The following COLQ variants were observed in gnomAD, a reference collection of about 807,000 sequenced individuals.
COLQ encodes collagen like tail subunit of asymmetric acetylcholinesterase.
Under a neutral mutation model 69.0 loss-of-function variants are expected in COLQ, and 48 were observed. The ratio of observed to expected loss-of-function variants is 0.70; its 90% CI spans 0.55 to 0.88. COLQ has a LOEUF of 0.88. Among genes scored for constraint, COLQ ranks in the 40% least tolerant of loss-of-function variants. The probability of loss-of-function intolerance (pLI) is 0.00; values close to 1 mark genes in which losing one functional copy is unlikely to be tolerated. For synonymous variants in COLQ, 217 were observed against 211.2 expected, an observed-to-expected ratio of 1.03 and a Z score of -0.24; for missense variants, 618 against 594.6, an observed-to-expected ratio of 1.04 and a Z score of -0.41.
chr3:15,521,528 A>T lies in COLQ; in HGVS notation c.98T>A (p.Ile33Asn). ...QPTFINSVLP[I>N]SAALPSLDQK... The stretch of plus-strand genomic sequence containing the variant: ...TTGTGGCCATCATTTACCTGCTGAG[A>T]TTGGAAGAACGCTGTTGATGAAAGT... The change falls in exon 1 of 17, where the codon ATC (isoleucine) becomes AAC (asparagine). Residue 33 changes from isoleucine (I) to asparagine (N), a missense_variant. Transcript: ENST00000383788. The T allele has an allele frequency of 6.2e-7, 1 of 1,614,158 alleles. No homozygotes were observed. The highest frequency in any genetic ancestry group is 8.5e-7 in the Non-Finnish European group (1 of 1,180,034).
At chr3:15,520,888 A>C (rs1414535253) in intron 1 of COLQ, among the ~76,000 whole-genome samples, 4 of 152,238 alleles carry the variant, frequency 2.6e-5, no homozygotes, top group African/African-American at 9.6e-5. Flanking sequence ...CTCCCTGGAA[A>C]GCTCACTTCT....
chr3:15,466,552 G>A (rs1270343434), intron 11 of COLQ, 115 bp from the exon 12 acceptor site: 1 of 825,078 alleles, frequency 1.2e-6, no homozygotes, highest in African/African-American at 1.7e-5. Context: ...CCCAGTGGGG[G>A]ATGCAGCTCC....
chr3:15,502,924 C>T (rs1190589403), intron 1 of COLQ, among the ~76,000 whole-genome samples: 1 of 152,188 alleles, frequency 6.6e-6, no homozygotes, highest in African/African-American at 2.4e-5. Flanking sequence ...TTGCATTTAA[C>T]CCTCACAACT....
intron 10 of COLQ, among the ~76,000 whole-genome samples, chr3:15,472,748 T>C (rs1373623820): frequency 6.6e-6 from 1 of 152,230 alleles, no homozygotes; most frequent in East Asian, 1.9e-4. Context: ...CATATGTTGG[T>C]CAACAGTCAC....
Position 15,488,345 on chromosome 3 carries a change from T to C in COLQ, c.220-38A>G, listed in dbSNP as rs761809594. The C allele has an allele frequency of 7.6e-6, 12 of 1,569,704 alleles. No individual in the cohort carries two copies. The South Asian group carries it at 1.1e-4, about 15-fold the overall frequency. On this transcript the variant is annotated intron_variant, in intron 2 of 16. Transcript: ENST00000383788. ...GCAACACAGAGTTAGAGGTCAGGCG[T>C]AGGGGACAGAGGAAGGGTCACCATC...
Position 15,473,394 on chromosome 3 carries a change from G to T in COLQ, c.636+606C>A, listed in dbSNP as rs772401344. 1.3e-5 allele frequency among the ~76,000 whole-genome samples: 2 copies of T among 152,184 alleles called. No homozygotes were observed. Among genetic ancestry groups the T allele is most frequent in the African/African-American group, 2.4e-5 (1 of 41,440 alleles). On this transcript the variant is annotated intron_variant, in intron 10 of 16. Transcript: ENST00000383788. This position sits in a 1 kb window ranked among gnomAD's most constrained non-coding sequence, Gnocchi z 4.0. The stretch of plus-strand genomic sequence containing the variant: ...GCTAGTCTCGAACTCCTGGGTTCAA[G>T]CCATCTGCCCACCTCGGCCTCCCAA...
intron 10 of COLQ, among the ~76,000 whole-genome samples, chr3:15,471,295 A>G (rs1244343979): frequency 2.0e-5 from 3 of 152,238 alleles, no homozygotes; most frequent in Non-Finnish European, 4.4e-5. Context: ...AATGGAAACA[A>G]TATTCCTGTT....
rs2125085496 is a variant in COLQ, at chr3:15,455,959, G to A, written c.1135C>T (p.Leu379Phe). The change falls in exon 15 of 17, where the codon CTC becomes TTC. Residue 379 changes from leucine to phenylalanine, a missense_variant. By Grantham distance (22) the Leu-to-Phe change is conservative. Coordinates refer to ENST00000383788, the MANE Select transcript of COLQ (RefSeq NM_005677.4). ...TCACACTCCTCCCCAGGCTGCAGGA[G>A]CCCATCCCCACAGGTGCCGTGCTGG... ...ADQHGTCGDG[L>F]LQPGEECDDG... is the part of the protein sequence containing the mutation. 2.5e-6 allele frequency: 4 copies of A among 1,614,108 alleles called. No individual in the cohort carries two copies. Among genetic ancestry groups the A allele is most frequent in the African/African-American group, 1.3e-5 (1 of 75,042 alleles).
chr3:15,484,388 C>T (rs2062540357), intron 3 of COLQ, among the ~76,000 whole-genome samples: 1 of 152,082 alleles, frequency 6.6e-6, no homozygotes, highest in East Asian at 1.9e-4. Flanking sequence ...CCTTCAGGAA[C>T]TCTTGAAAGG....
intron 15 of COLQ, among the ~76,000 whole-genome samples, chr3:15,454,770 C>T (rs540117864): frequency 1.3e-5 from 2 of 151,858 alleles, no homozygotes; most frequent in South Asian, 2.1e-4. Flanking sequence ...ATCCTCCCAC[C>T]TCACCCTCCT....
At chr3:15,475,382 C>A (rs777087350) in intron 7 of COLQ, 43 bp downstream of exon 7, 1 of 1,544,914 alleles carries the variant, frequency 6.5e-7, no homozygotes, top group Non-Finnish European at 8.8e-7. Flanking sequence ...TGCTCCAGAG[C>A]CTGACAGAGA....
chr3:15,471,797 C>T (rs768614518), intron 10 of COLQ, among the ~76,000 whole-genome samples: 1 of 152,186 alleles, frequency 6.6e-6, no homozygotes, highest in Non-Finnish European at 1.5e-5. Flanking sequence ...GTCCTTAAAT[C>T]TGTTATTTCT....
At chr3:15,474,398 T>C (rs1015373842) in intron 8 of COLQ, 126 bp from the exon 9 acceptor site, 286 of 986,460 alleles carry the variant, frequency 2.9e-4, no homozygotes, top group Non-Finnish European at 4.1e-4. Flanking sequence ...GGCTCAGATA[T>C]GTCAGGTGAC....
At chr3:15,492,475 G>A (rs983330553) in intron 1 of COLQ, among the ~76,000 whole-genome samples, 1 of 152,278 alleles carries the variant, frequency 6.6e-6, no homozygotes, top group Non-Finnish European at 1.5e-5. Flanking sequence ...GACCATCCTG[G>A]CTAACATAGT....
intron 1 of COLQ, among the ~76,000 whole-genome samples, chr3:15,511,803 C>T (rs1279371808): frequency 1.3e-5 from 2 of 152,096 alleles, no homozygotes; most frequent in Non-Finnish European, 1.5e-5. Flanking sequence ...TGAGGTCCAC[C>T]CCAGTAAGGA....
intron 1 of COLQ, among the ~76,000 whole-genome samples, chr3:15,502,508 T>C (rs974281028): frequency 2.0e-5 from 3 of 152,126 alleles, no homozygotes; most frequent in African/African-American, 7.2e-5. Flanking sequence ...CTCCACCTCC[T>C]GGGTTCAAGA....
At chr3:15,509,383 A>G (rs577543974) in intron 1 of COLQ, among the ~76,000 whole-genome samples, 1 of 152,266 alleles carries the variant, frequency 6.6e-6, no homozygotes, top group African/African-American at 2.4e-5. Context: ...CAATTTCCAA[A>G]AAGTGGACAC....
chr3:15,465,871 C>G (rs898005096), intron 12 of COLQ, among the ~76,000 whole-genome samples: 1 of 152,154 alleles, frequency 6.6e-6, no homozygotes, highest in African/African-American at 2.4e-5. Context: ...TCCCAAAGTG[C>G]TGAAATAACA....
chr3:15,470,763 G>A, intron 10 of COLQ, 147 bp from the exon 11 acceptor site: 3 of 763,116 alleles, frequency 3.9e-6, no homozygotes, highest in South Asian at 1.4e-5. Context: ...AAGGTTAGCA[G>A]AGTGAGGAAG....
Sources: allele counts gnomAD v4.1 joint callset (sites outside exome capture counted in the v4.1 genomes callset), GRCh38; gene constraint gnomAD v4.1.1; non-coding constraint Gnocchi (gnomAD v3.1); transcripts MANE v1.5; gene names NCBI Gene and HGNC (gene_info 2026-07-23, HGNC 2026-07-21).